KBTBD12: variants seen among roughly 807,000 people sequenced by gnomAD.
KBTBD12 encodes kelch repeat and BTB domain-containing protein 12.
KBTBD12 carries 53 observed loss-of-function variants against 58.7 expected under a neutral mutation model. That is an observed-to-expected ratio of 0.90 (90% CI 0.72 to 1.14). KBTBD12 has a LOEUF of 1.14. KBTBD12 is among the 50% of genes most tolerant of loss of function. The pLI, the probability that KBTBD12 is intolerant of heterozygous loss-of-function variation, is 0.00. For synonymous variants in KBTBD12, 236 were observed against 259.8 expected (o/e 0.91, Z 0.88); for missense variants, 704 against 751.3 (o/e 0.94, Z 0.74).
chr3:127,936,345 G>A (rs748250887), intron 4 of KBTBD12, among the ~76,000 whole-genome samples: 15 of 149,098 alleles, frequency 1.0e-4, no homozygotes, highest in Non-Finnish European at 1.8e-4. Flanking sequence ...TAGCCTAGGT[G>A]ACAGAGCAAG....
intron 2 of KBTBD12, among the ~76,000 whole-genome samples, chr3:127,926,008 A>G (rs149539778): frequency 1.3e-5 from 2 of 152,318 alleles, no homozygotes; most frequent in African/African-American, 4.8e-5. Flanking sequence ...GAAGTAGACT[A>G]GTACTCTGGA....
In KBTBD12 at chr3:127,930,138, T is replaced by C; in HGVS notation, c.1347T>C (p.Asp449=). 1 of 1,582,128 alleles carries C rather than the reference T, an allele frequency of 6.3e-7. No homozygotes were observed. Among genetic ancestry groups the C allele is most frequent in the Non-Finnish European group, 8.6e-7 (1 of 1,162,404 alleles). The change falls in exon 4 of 6, where the codon GAT becomes GAC. Residue 449 remains aspartate (D), a synonymous_variant. Coordinates refer to ENST00000405109, the MANE Select transcript of KBTBD12 (RefSeq NM_207335.4). ...YVIGGWTPQM[D]LPDEEPDRLS... Reference sequence around the variant, plus strand: ...GGCTGTCATATTTCATACAGATGGATCTTCCTGATGAAGAACCTGATCGAT... The same window carrying C: ...GGCTGTCATATTTCATACAGATGGACCTTCCTGATGAAGAACCTGATCGAT...
rs1940989978 is a variant in KBTBD12, at chr3:127,987,457, CT to C, written c.*3180del. 1 of 152,198 alleles carries C rather than the reference CT, an allele frequency of 6.6e-6. No homozygotes were observed. 9.4% of individuals were successfully genotyped at this position (152,198 alleles called of 1,614,324 possible). ...TGGGCTCTTATAAAACTTCTACTAT[CT>C]GCTAATTCTTATCTTTGTGACAGGA... On this transcript the variant is annotated 3_prime_UTR_variant, in exon 6 of 6. Coordinates refer to ENST00000405109, the MANE Select transcript of KBTBD12 (RefSeq NM_207335.4).
chr3:127,930,796 G>A (rs974095501), intron 4 of KBTBD12, among the ~76,000 whole-genome samples: 2 of 152,088 alleles, frequency 1.3e-5, no homozygotes, highest in African/African-American at 4.8e-5. Context: ...CTTCTTATAT[G>A]TATGGTCTTG....
At chr3:127,950,627 A>G (rs1210538974) in intron 4 of KBTBD12, among the ~76,000 whole-genome samples, 1 of 152,196 alleles carries the variant, frequency 6.6e-6, no homozygotes, top group Non-Finnish European at 1.5e-5. Flanking sequence ...GATGCGCTCT[A>G]TGCCCAGAAG....
intron 4 of KBTBD12, among the ~76,000 whole-genome samples, chr3:127,957,924 C>A (rs913866278): frequency 6.6e-6 from 1 of 152,186 alleles, no homozygotes; most frequent in Non-Finnish European, 1.5e-5. Flanking sequence ...ATGGCCAATT[C>A]TGTGTAGAGA....
chr3:127,945,678 CTTTTT>C (rs36060646), intron 4 of KBTBD12, among the ~76,000 whole-genome samples: 1 of 127,122 alleles, frequency 7.9e-6, no homozygotes, highest in Non-Finnish European at 1.7e-5. Flanking sequence ...CTTATTTTCA[CTTTTT>C]TTTTTTTTTT....
intron 4 of KBTBD12, among the ~76,000 whole-genome samples, chr3:127,936,922 C>T (rs1310232727): frequency 6.6e-6 from 1 of 152,074 alleles, no homozygotes; most frequent in East Asian, 1.9e-4. Context: ...AGTGGAATTG[C>T]AACCCAAATT....
chr3:127,924,322 A>T (rs1939512702), intron 2 of KBTBD12, among the ~76,000 whole-genome samples, 191 bp downstream of exon 2: 2 of 148,866 alleles, frequency 1.3e-5, no homozygotes, highest in Non-Finnish European at 3.0e-5. Flanking sequence ...TTATATATAT[A>T]TATAATCTAT....
At chr3:127,929,154 C>A (rs1311155368) in intron 3 of KBTBD12, among the ~76,000 whole-genome samples, 2 of 152,038 alleles carry the variant, frequency 1.3e-5, no homozygotes, top group African/African-American at 2.4e-5. Flanking sequence ...ACCATAAAGT[C>A]AACGTTTGTT....
Position 127,927,824 on chromosome 3 carries a change from C to G in KBTBD12, c.1131C>G (p.Leu377=). 1 of 1,603,274 alleles carries G rather than the reference C, an allele frequency of 6.2e-7. No individual in the cohort carries two copies. The highest frequency in any genetic ancestry group is 1.3e-5 in the African/African-American group (1 of 74,538). The part of the protein sequence containing the change: ...EKLCTAEFRE[L]YALGSIHNDL... ...TATGCACAGCTGAATTTCGAGAACT[C>G]TATGCTCTGGGCAGTATTCATAATG... The change falls in exon 3 of 6, where the codon CTC becomes CTG. Residue 377 remains leucine, a synonymous_variant. Transcript: ENST00000405109.
intron 4 of KBTBD12, 25 bp downstream of exon 4, chr3:127,930,308 G>C: frequency 6.2e-7 from 1 of 1,603,104 alleles, no homozygotes; most frequent in African/African-American, 1.3e-5. Context: ...ATTGCTAACA[G>C]TATAACTACT....
chr3:127,975,013 T>TC (rs1216190230), intron 5 of KBTBD12, among the ~76,000 whole-genome samples: 2 of 152,178 alleles, frequency 1.3e-5, no homozygotes, highest in Non-Finnish European at 2.9e-5. Context: ...TAGTTTGAGT[T>TC]CCCCCAAAGC....
chr3:127,966,034 G>T (rs1365472422), intron 5 of KBTBD12, among the ~76,000 whole-genome samples: 1 of 152,182 alleles, frequency 6.6e-6, no homozygotes, highest in Non-Finnish European at 1.5e-5. Flanking sequence ...CTAATTTCCT[G>T]CCCTACTCTT....
chr3:127,948,202 C>T (rs547761674), intron 4 of KBTBD12, among the ~76,000 whole-genome samples: 2 of 152,312 alleles, frequency 1.3e-5, no homozygotes, highest in African/African-American at 4.8e-5. Context: ...GACAACAAAA[C>T]TTTTACTGTG....
chr3:127,964,980 G>A (rs1390874751), intron 5 of KBTBD12, among the ~76,000 whole-genome samples: 1 of 152,206 alleles, frequency 6.6e-6, no homozygotes, highest in Non-Finnish European at 1.5e-5. Context: ...TGTAAGAAGG[G>A]AGCTGAGGAG....
At chr3:127,917,757 T>G (rs1559757303) in intron 1 of KBTBD12, among the ~76,000 whole-genome samples, 1 of 152,216 alleles carries the variant, frequency 6.6e-6, no homozygotes, top group African/African-American at 2.4e-5. Flanking sequence ...ACAATAAATT[T>G]TATATGTAGA....
chr3:127,919,223 C>G lies in KBTBD12; in HGVS notation c.-113+3637C>G, dbSNP rs147137920. On this transcript the variant is annotated intron_variant, in intron 1 of 5. Transcript: ENST00000405109. ...CTGAATTTTTTTTTTTTCCGAGACA[C>G]GGTCTCGGAAATAGCAAAAATTTGG... 1.6e-3 allele frequency among the ~76,000 whole-genome samples: 246 copies of G among 151,672 alleles called. 1 individual carries two copies. The highest frequency in any genetic ancestry group is 5.6e-3 in the African/African-American group (232 of 41,380).
chr3:127,961,216 G>C (rs755993852), intron 4 of KBTBD12, among the ~76,000 whole-genome samples: 1 of 152,040 alleles, frequency 6.6e-6, no homozygotes. Context: ...AGTCCTTCTT[G>C]CCCTACAAAT....
Sources: allele counts gnomAD v4.1 joint callset (sites outside exome capture counted in the v4.1 genomes callset), GRCh38; gene constraint gnomAD v4.1.1; transcripts MANE v1.5; gene names NCBI Gene and HGNC (gene_info 2026-07-23, HGNC 2026-07-21).